The following GRM8 variants were observed in gnomAD, a reference collection of about 807,000 sequenced individuals.
GRM8 encodes glutamate metabotropic receptor 8, also known as metabotropic glutamate receptor 8.
A neutral mutation model predicts 87.2 loss-of-function variants in GRM8; 47 were observed. The ratio of observed to expected loss-of-function variants is 0.54; its 90% CI spans 0.43 to 0.69. The LOEUF (loss-of-function observed/expected upper bound fraction) is 0.69, where lower values mean the gene tolerates loss of function less well. GRM8 is among the 30% of genes least tolerant of loss of function. The pLI is 0.00. For missense variants in GRM8, 1,019 were observed against 1,139.2 expected (o/e 0.89, Z 1.52); for synonymous variants, 396 against 404.5 (o/e 0.98, Z 0.25).
At chr7:127,058,800 G>A (rs533444184) in intron 3 of GRM8, among the ~76,000 whole-genome samples, 7 of 152,226 alleles carry the variant, frequency 4.6e-5, no homozygotes, top group African/African-American at 1.7e-4. Flanking sequence ...GATAAACCTG[G>A]GCATTTGGAT....
At chr7:127,173,216 G>A (rs2116341827) in intron 2 of GRM8, among the ~76,000 whole-genome samples, 1 of 152,184 alleles carries the variant, frequency 6.6e-6, no homozygotes. Context: ...AAGAGCTATA[G>A]AAAAAAATAA....
chr7:127,014,494 G>T (rs1416648340), intron 3 of GRM8, among the ~76,000 whole-genome samples: 2 of 152,020 alleles, frequency 1.3e-5, no homozygotes, highest in Non-Finnish European at 2.9e-5. Flanking sequence ...CTAGCTGTGT[G>T]CCTTGTGTAA....
At chr7:127,135,092 CTT>C (rs1827876406) in intron 2 of GRM8, among the ~76,000 whole-genome samples, 1 of 151,788 alleles carries the variant, frequency 6.6e-6, no homozygotes, top group Non-Finnish European at 1.5e-5. Flanking sequence ...ATGATTTAGA[CTT>C]TACTAATTTG....
At chr7:127,040,034 GAGGGTGAGGAGGGT>G (rs1818264414) in intron 3 of GRM8, among the ~76,000 whole-genome samples, 1 of 49,014 alleles carries the variant, frequency 2.0e-5, no homozygotes, top group Non-Finnish European at 4.3e-5. Flanking sequence ...GGAGGGAGGG[GAGGGTGAGGAGGGT>G]GGGGAGGAGG....
intron 6 of GRM8, among the ~76,000 whole-genome samples, chr7:126,809,158 C>G (rs1414409921): frequency 1.3e-5 from 2 of 152,188 alleles, no homozygotes; most frequent in Non-Finnish European, 2.9e-5. Flanking sequence ...ATCTTGAAAT[C>G]TCTCTAACAC....
intron 3 of GRM8, among the ~76,000 whole-genome samples, chr7:126,945,005 C>T (rs995069763): frequency 6.6e-6 from 1 of 151,932 alleles, no homozygotes; most frequent in Non-Finnish European, 1.5e-5. Flanking sequence ...CTTTTATATC[C>T]TTCTGGTGGG....
chr7:126,712,084 C>A (rs1811165394), intron 7 of GRM8, among the ~76,000 whole-genome samples: 1 of 152,190 alleles, frequency 6.6e-6, no homozygotes, highest in South Asian at 2.1e-4. Context: ...TAGCTTTCGC[C>A]CTGTCTCAGC....
intron 9 of GRM8, among the ~76,000 whole-genome samples, chr7:126,487,838 C>T (rs1807554553): frequency 6.6e-6 from 1 of 151,980 alleles, no homozygotes; most frequent in Admixed American, 6.6e-5. Flanking sequence ...TGCTTGAAAG[C>T]TCACATTTTA....
intron 3 of GRM8, among the ~76,000 whole-genome samples, chr7:126,914,754 A>C (rs1803707785): frequency 6.6e-6 from 1 of 152,150 alleles, no homozygotes; most frequent in African/African-American, 2.4e-5. Context: ...AACAATAGAC[A>C]CTGGAAACTC....
intron 7 of GRM8, among the ~76,000 whole-genome samples, chr7:126,630,944 T>C (rs2151171884): frequency 6.6e-6 from 1 of 152,256 alleles, no homozygotes; most frequent in Middle Eastern, 3.4e-3. Context: ...GGGCAAAAGC[T>C]GAAAGCATTC....
At chr7:127,071,802 C>T (rs896406765) in intron 3 of GRM8, among the ~76,000 whole-genome samples, 1 of 150,790 alleles carries the variant, frequency 6.6e-6, no homozygotes, top group African/African-American at 2.4e-5. Context: ...TTTTTTTTGC[C>T]AGAAATAAAT....
chr7:126,576,339 G>A (rs1795112867), intron 8 of GRM8, among the ~76,000 whole-genome samples: 1 of 152,020 alleles, frequency 6.6e-6, no homozygotes, highest in African/African-American at 2.4e-5. Flanking sequence ...TTGGAGTGCA[G>A]CGATGTGATC....
intron 7 of GRM8, among the ~76,000 whole-genome samples, chr7:126,610,902 A>C (rs191772534): frequency 1.2e-3 from 182 of 152,338 alleles, no homozygotes; most frequent in Admixed American, 4.4e-3. Flanking sequence ...ATGGCACCGC[A>C]TGGAAGAAAG....
chr7:126,972,323 C>T (rs888057449), intron 3 of GRM8, among the ~76,000 whole-genome samples: 1 of 152,146 alleles, frequency 6.6e-6, no homozygotes, highest in Non-Finnish European at 1.5e-5. Flanking sequence ...AAAAAAATTA[C>T]TATTTGAATG....
intron 3 of GRM8, among the ~76,000 whole-genome samples, chr7:127,008,157 A>C (rs1410069950): frequency 1.3e-5 from 2 of 152,026 alleles, no homozygotes; most frequent in Non-Finnish European, 2.9e-5. Flanking sequence ...CAGAGGCTTT[A>C]AATAGGTATT....
chr7:126,652,453 G>T (rs907135626), intron 7 of GRM8, among the ~76,000 whole-genome samples: 1 of 152,154 alleles, frequency 6.6e-6, no homozygotes, highest in African/African-American at 2.4e-5. Context: ...GTTGCCAAAG[G>T]AGACTAACAT....
chr7:127,216,535 C>CAAAAAAAAAAAAAAAAAAAA (rs796757040), intron 2 of GRM8, among the ~76,000 whole-genome samples: 2 of 115,960 alleles, frequency 1.7e-5, no homozygotes, highest in Non-Finnish European at 3.5e-5. Flanking sequence ...AAAAAAAAAA[C>CAAAAAAAAAAAAAAAAAAAA]AAAAAAAAAA....
chr7:127,228,871 A>C (rs1797508244), intron 2 of GRM8: 1 of 152,210 alleles, frequency 6.6e-6, no homozygotes, highest in African/African-American at 2.4e-5. Context: ...CTTTGAGGGA[A>C]TTCTTATCAT....
At chr7:127,002,125 A>G (rs971668672) in intron 3 of GRM8, among the ~76,000 whole-genome samples, 2 of 151,626 alleles carry the variant, frequency 1.3e-5, no homozygotes, top group African/African-American at 4.8e-5. Flanking sequence ...TGGTGGTTAC[A>G]TAAGTGTATA....
Sources: allele counts gnomAD v4.1 joint callset (sites outside exome capture counted in the v4.1 genomes callset), GRCh38; gene constraint gnomAD v4.1.1; transcripts MANE v1.5; gene names NCBI Gene and HGNC (gene_info 2026-07-23, HGNC 2026-07-21).